Variants in NAA11 observed in about 807,000 individuals in gnomAD.
The protein encoded by NAA11 is N-alpha-acetyltransferase 11, NatA catalytic subunit.
NAA11 carries 15 observed loss-of-function variants against 16.1 expected under a neutral mutation model. The observed-to-expected ratio is 0.93, with a 90% CI of 0.62 to 1.44. The LOEUF (loss-of-function observed/expected upper bound fraction) is 1.44, where lower values mean the gene tolerates loss of function less well. NAA11 is among the 40% of genes most tolerant of loss of function. The pLI is 0.00. For missense variants in NAA11, 298 were observed against 291.3 expected, an observed-to-expected ratio of 1.02 and a Z score of -0.17; for synonymous variants, 122 against 112.4, an observed-to-expected ratio of 1.09 and a Z score of -0.54.
At chr4:79,324,031 G>A (rs115683269) in intron 1 of NAA11, among the ~76,000 whole-genome samples, 2,014 of 150,180 alleles carry the variant, frequency 0.013, 50 homozygotes, top group African/African-American at 0.047. Context: ...TACAGTAATT[G>A]TTTTGGCTCT....
At chr4:79,270,297 C>G (rs1325069504) in intron 2 of NAA11, among the ~76,000 whole-genome samples, 1 of 151,884 alleles carries the variant, frequency 6.6e-6, no homozygotes. Flanking sequence ...ATAAATTCCT[C>G]GACACATACA....
chr4:79,325,792 T>G lies in NAA11; in HGVS notation c.86A>C (p.Lys29Thr). Residue 29 changes from lysine to threonine, a missense_variant, in exon 1 of 2, where the codon AAA becomes ACA. By Grantham distance (78) the Lys-to-Thr change is moderately conservative. Coordinates refer to ENST00000286794, the MANE Select transcript of NAA11 (RefSeq NM_032693.3). The part of the protein sequence containing the change: ...LLCLPENYQM[K>T]YYLYHGLSWP... ...GGAAAGGCCATGATATAAATAGTATTTCATCTGGTAGTTCTCAGGAAGGCA... is the reference window on the plus strand; with the variant it reads ...GGAAAGGCCATGATATAAATAGTATGTCATCTGGTAGTTCTCAGGAAGGCA... 1 of 1,614,160 alleles carries G rather than the reference T, an allele frequency of 6.2e-7. No homozygotes were observed. The highest frequency in any genetic ancestry group is 8.5e-7 in the Non-Finnish European group (1 of 1,180,008).
chr4:79,251,869 A>C (rs1560424481), intron 2 of NAA11, among the ~76,000 whole-genome samples: 1 of 152,134 alleles, frequency 6.6e-6, no homozygotes, highest in African/African-American at 2.4e-5. Context: ...TTAAAAATCC[A>C]CTCATTCAAA....
chr4:79,232,795 A>G (rs1721495358), intron 2 of NAA11, among the ~76,000 whole-genome samples: 1 of 151,984 alleles, frequency 6.6e-6, no homozygotes, highest in Admixed American at 6.6e-5. Flanking sequence ...GCATAGCACT[A>G]GAACAGTCAA....
intron 2 of NAA11, among the ~76,000 whole-genome samples, chr4:79,243,375 T>C (rs1293749621): frequency 6.6e-6 from 1 of 152,226 alleles, no homozygotes; most frequent in Non-Finnish European, 1.5e-5. Context: ...ATGGGATTCA[T>C]GTCCATCCCC....
At chr4:79,272,265 A>G (rs1419879877) in intron 2 of NAA11, among the ~76,000 whole-genome samples, 1 of 152,056 alleles carries the variant, frequency 6.6e-6, no homozygotes, top group Non-Finnish European at 1.5e-5. Flanking sequence ...TTCATATTTG[A>G]TGTTGTGAAA....
chr4:79,285,132 A>G (rs1398391777), intron 2 of NAA11, among the ~76,000 whole-genome samples: 1 of 152,112 alleles, frequency 6.6e-6, no homozygotes, highest in Non-Finnish European at 1.5e-5. Flanking sequence ...TCAGCATGTG[A>G]AACAACTACT....
chr4:79,224,166 G>A (rs1269378624), downstream of NAA11, among the ~76,000 whole-genome samples: 1 of 152,066 alleles, frequency 6.6e-6, no homozygotes, highest in Non-Finnish European at 1.5e-5. Flanking sequence ...TGAAATGAGA[G>A]GTAAAGCATG....
the NAA11 span, among the ~76,000 whole-genome samples, chr4:79,156,860 G>C: frequency 6.6e-6 from 1 of 152,094 alleles, no homozygotes; most frequent in Non-Finnish European, 1.5e-5. Flanking sequence ...ACAGACTACT[G>C]ATTTTTCACA....
chr4:79,187,998 C>CAAAAAAAA, the NAA11 span, among the ~76,000 whole-genome samples: 1 of 74,184 alleles, frequency 1.3e-5, no homozygotes, highest in Non-Finnish European at 2.3e-5. Context: ...GACTCCGTCT[C>CAAAAAAAA]AAAAAAAAAA....
At chr4:79,276,077 G>C (rs1722640135) in intron 2 of NAA11, among the ~76,000 whole-genome samples, 1 of 152,082 alleles carries the variant, frequency 6.6e-6, no homozygotes, top group Non-Finnish European at 1.5e-5. Context: ...AACATGAAGG[G>C]AATGCATGGA....
chr4:79,181,522 A>G, the NAA11 span, among the ~76,000 whole-genome samples: 1 of 152,204 alleles, frequency 6.6e-6, no homozygotes, highest in Non-Finnish European at 1.5e-5. Flanking sequence ...CGCGGTGGCC[A>G]TGATTGACTA....
At chr4:79,170,792 G>A in the NAA11 span, among the ~76,000 whole-genome samples, 1 of 151,820 alleles carries the variant, frequency 6.6e-6, no homozygotes, top group East Asian at 1.9e-4. Context: ...TGTGATCTAA[G>A]TTTTTTTAAA....
chr4:79,159,735 A>G, the NAA11 span, among the ~76,000 whole-genome samples: 2 of 151,234 alleles, frequency 1.3e-5, no homozygotes, highest in African/African-American at 4.9e-5. Flanking sequence ...TTTGAAAACC[A>G]TGAATCTACT....
intron 2 of NAA11, among the ~76,000 whole-genome samples, chr4:79,229,538 A>C (rs1382029070): frequency 1.3e-5 from 2 of 151,912 alleles, no homozygotes; most frequent in African/African-American, 4.8e-5. Flanking sequence ...ATGAATTCAT[A>C]AAAATGTTTT....
At chr4:79,186,377 C>T in the NAA11 span, among the ~76,000 whole-genome samples, 3 of 152,016 alleles carry the variant, frequency 2.0e-5, no homozygotes, top group African/African-American at 7.3e-5. Flanking sequence ...TTCCTTTTGC[C>T]AACAGGAATA....
chr4:79,202,643 A>ATATATATATATATATATATATATATATG, the NAA11 span, among the ~76,000 whole-genome samples: 1 of 121,914 alleles, frequency 8.2e-6, no homozygotes, highest in African/African-American at 2.7e-5. Flanking sequence ...ATATATATAT[A>ATATATATATATATATATATATATATATG]TATATATCTG....
Position 79,325,982 on chromosome 4 carries a change from A to G in NAA11, c.-105T>C. 1.1e-6 allele frequency: 1 copy of G among 952,002 alleles called. No individual in the cohort carries two copies. Among genetic ancestry groups the G allele is most frequent in the Non-Finnish European group, 1.6e-6 (1 of 635,940 alleles). The allele number at this position is 952,002 out of a possible 1,614,324, so 59.0% of individuals were successfully genotyped here. ...CTCAGGAATCGAGTCCAGGGGGCTA[A>G]CACCACCGGGCTGAATCGTGTGGAG... On this transcript the variant is annotated 5_prime_UTR_variant, in exon 1 of 2. Coordinates refer to ENST00000286794, the MANE Select transcript of NAA11 (RefSeq NM_032693.3).
At chr4:79,286,118 G>A (rs1722901752) in intron 2 of NAA11, among the ~76,000 whole-genome samples, 1 of 151,968 alleles carries the variant, frequency 6.6e-6, no homozygotes, top group Non-Finnish European at 1.5e-5. Flanking sequence ...ATTCTAAGCA[G>A]AACATATGTT....
Sources: gnomAD v4.1 joint callset for allele counts (sites outside exome capture counted in the v4.1 genomes callset) on GRCh38, gnomAD v4.1.1 for gene constraint, MANE v1.5 for transcripts, NCBI Gene and HGNC (gene_info 2026-07-23, HGNC 2026-07-21) for gene names.